Variants in RET observed in about 807,000 individuals in gnomAD.
RET encodes the protein proto-oncogene tyrosine-protein kinase receptor Ret.
RET carries 19 observed loss-of-function variants against 118.3 expected under a neutral mutation model. The ratio of observed to expected loss-of-function variants is 0.16; its 90% CI spans 0.11 to 0.24. The LOEUF is 0.24. Ranked by LOEUF, RET falls within the 10% of genes least tolerant of loss-of-function variation. The pLI is 1.00. For missense variants in RET, 1,219 were observed against 1,502.1 expected (o/e 0.81, Z 3.12); for synonymous variants, 597 against 644.1 (o/e 0.93, Z 1.11).
At chr10:43,127,162 C>T in intron 19 of RET, 2 of 1,108,746 alleles carry the variant, frequency 1.8e-6, no homozygotes, top group East Asian at 9.4e-5. Context: ...AGCCAGGTTC[C>T]CCCAGACCCC....
intron 1 of RET, among the ~76,000 whole-genome samples, chr10:43,096,381 C>G (rs1837523225): frequency 6.6e-6 from 1 of 152,130 alleles, no homozygotes; most frequent in African/African-American, 2.4e-5. Flanking sequence ...AGCTGTTATC[C>G]TAACCCCCGA....
At chr10:43,125,098 G>A in intron 18 of RET, 116 bp downstream of exon 18, 2 of 950,640 alleles carry the variant, frequency 2.1e-6, no homozygotes, top group Non-Finnish European at 3.3e-6. Context: ...CAGTGGGATT[G>A]TGCAGAGAGA....
At position 43,128,969 on chromosome 10, in the gene RET, T is replaced by G; in HGVS notation, c.*700T>G. Reference sequence around the variant, plus strand: ...GAGAGATTCCATGCCATCTTTACTATGTGGATGGTGGTATCAGGGAAGAGG... The same window carrying G: ...GAGAGATTCCATGCCATCTTTACTAGGTGGATGGTGGTATCAGGGAAGAGG... On this transcript the variant is annotated 3_prime_UTR_variant, in exon 20 of 20. Coordinates refer to ENST00000355710, the MANE Select transcript of RET (RefSeq NM_020975.6). 1 of 237,898 alleles carries G rather than the reference T, an allele frequency of 4.2e-6. No individual in the cohort carries two copies. Among genetic ancestry groups the G allele is most frequent in the Non-Finnish European group, 8.3e-6 (1 of 120,698 alleles). The allele number at this position is 237,898 out of a possible 1,614,324, so 14.7% of individuals were successfully genotyped here. A position where few individuals can be genotyped will look rare whatever the true frequency, so the allele number is the denominator to read the frequency against.
rs1198591686 is a variant in RET at position 43,128,205 on chromosome 10, G to A, written c.3281G>A (p.Ser1094Asn). 1 of 1,614,108 alleles carries A rather than the reference G, an allele frequency of 6.2e-7. No individual in the cohort carries two copies. The highest frequency in any genetic ancestry group is 8.5e-7 in the Non-Finnish European group (1 of 1,180,044). ...GGGTTTCCAAGATATCCAAATGATA[G>A]TGTATATGCTAACTGGATGCTTTCA... is the stretch of plus-strand genomic sequence containing the variant. ...NTGFPRYPNDSVYANWMLSPS... is the reference protein window; with the variant it reads ...NTGFPRYPNDNVYANWMLSPS... The change falls in exon 20 of 20, where the codon AGT (serine) becomes AAT (asparagine). Residue 1094 changes from serine (S) to asparagine (N), a missense_variant. Coordinates refer to ENST00000355710, the MANE Select transcript of RET (RefSeq NM_020975.6).
At chr10:43,105,285 C>G (rs979094013) in intron 4 of RET, 92 bp downstream of exon 4, 1 of 1,564,566 alleles carries the variant, frequency 6.4e-7, no homozygotes, top group African/African-American at 1.3e-5. Context: ...AGCCACCCAA[C>G]CGTGTGGCCG....
At chr10:43,110,973 G>A (rs1837902443) in intron 6 of RET, among the ~76,000 whole-genome samples, 1 of 152,104 alleles carries the variant, frequency 6.6e-6, no homozygotes, top group African/African-American at 2.4e-5. Flanking sequence ...CAGCTCCCAG[G>A]AACAGGGGCA....
chr10:43,122,226 C>A (rs1838234650), intron 16 of RET, among the ~76,000 whole-genome samples: 1 of 152,172 alleles, frequency 6.6e-6, no homozygotes, highest in African/African-American at 2.4e-5. Context: ...GGCCGGGCTG[C>A]AGTTCTGAAA....
intron 18 of RET, 28 bp from the exon 19 acceptor site, chr10:43,126,547 G>A (rs1466978192): frequency 6.3e-7 from 1 of 1,597,620 alleles, no homozygotes; most frequent in Non-Finnish European, 8.6e-7. Flanking sequence ...CACATGGCTT[G>A]GAGTGACCGG....
At chr10:43,079,405 G>C (rs1039193561) in intron 1 of RET, among the ~76,000 whole-genome samples, 7 of 152,198 alleles carry the variant, frequency 4.6e-5, no homozygotes, top group African/African-American at 1.7e-4. Flanking sequence ...TCAGCCCCAG[G>C]TATGCTGGAA....
chr10:43,095,302 C>T (rs920365735), intron 1 of RET, among the ~76,000 whole-genome samples: 2 of 152,110 alleles, frequency 1.3e-5, no homozygotes, highest in Non-Finnish European at 2.9e-5. Context: ...CACACCCTGT[C>T]TCGTGGACTG....
intron 1 of RET, among the ~76,000 whole-genome samples, chr10:43,094,486 G>C (rs773880125): frequency 1.3e-5 from 2 of 152,096 alleles, no homozygotes; most frequent in East Asian, 1.9e-4. Context: ...CCCAAATTTC[G>C]GCCCTTGTGC....
intron 1 of RET, among the ~76,000 whole-genome samples, chr10:43,080,248 G>A (rs978198325): frequency 2.6e-5 from 4 of 152,280 alleles, no homozygotes; most frequent in African/African-American, 9.6e-5. Flanking sequence ...GGAAGGGAAG[G>A]CCCGGAAGCT....
rs1301540576 is a variant in RET at position 43,093,359 on chromosome 10, T to TG, written c.74-7096dup. On this transcript the variant is annotated intron_variant, in intron 1 of 19. Transcript: ENST00000355710. The stretch of plus-strand genomic sequence containing the variant: ...GTGAGGGGTGAAAGAGAAAGGGATC[T>TG]GGGGACTGAGGTGTGTGACCTGAGC... Among the ~76,000 whole-genome samples, 12 of 150,492 alleles carry TG rather than the reference T, an allele frequency of 8.0e-5. No individual in the cohort carries two copies. The South Asian group carries it at 8.5e-4, about 11-fold the overall frequency.
Position 43,111,271 on chromosome 10 carries a change from A to T in RET, c.1328A>T (p.His443Leu), listed in dbSNP as rs2132767831. ...GGCATCAACGTCCAGTACAAGCTGC[A>T]TTCCTCTGGTGCCAACTGCAGCACG... ...FSGINVQYKL[H>L]SSGANCSTLG... Residue 443 changes from histidine (H) to leucine (L), a missense_variant, in exon 7 of 20, where the codon CAT (histidine) becomes CTT (leucine). Around this residue, in one of 5 missense-constraint regions of RET, gnomAD observed 850 missense variants for 969.6 expected, o/e 0.88. Coordinates refer to ENST00000355710, the MANE Select transcript of RET (RefSeq NM_020975.6). 1 of 1,614,194 alleles carries T rather than the reference A, an allele frequency of 6.2e-7. No homozygotes were observed. Among genetic ancestry groups the T allele is most frequent in the East Asian group, 2.2e-5 (1 of 44,886 alleles).
At chr10:43,105,414 C>T (rs1371726615) in intron 4 of RET, among the ~76,000 whole-genome samples, 2 of 152,122 alleles carry the variant, frequency 1.3e-5, no homozygotes, top group African/African-American at 4.8e-5. Flanking sequence ...AGGACCAGGA[C>T]GAGGCCCGAG....
chr10:43,093,620 C>T (rs374151997), intron 1 of RET, among the ~76,000 whole-genome samples: 4 of 152,056 alleles, frequency 2.6e-5, no homozygotes, highest in South Asian at 2.1e-4. Flanking sequence ...GGAAACCAGC[C>T]GAGGGGGTGA....
chr10:43,114,660 A>T lies in RET; in HGVS notation c.2060A>T (p.Tyr687Phe), dbSNP rs778793244. The T allele has an allele frequency of 1.9e-6, 3 of 1,611,054 alleles. No individual in the cohort carries two copies. In the African/African-American group the frequency reaches 4.0e-5, roughly 22 times the overall value. ...RRPAQAFPVSYSSSGARRPSL... is the reference protein window; with the variant it reads ...RRPAQAFPVSFSSSGARRPSL... ...CCCGCCCAGGCCTTCCCGGTCAGCTACTCCTCTTCCGGTGCCCGCCGGCCC... is the reference window on the plus strand; with the variant it reads ...CCCGCCCAGGCCTTCCCGGTCAGCTTCTCCTCTTCCGGTGCCCGCCGGCCC... Residue 687 changes from tyrosine (Y) to phenylalanine (F), a missense_variant, in exon 11 of 20, where the codon TAC becomes TTC. Tyr to Phe is a conservative substitution (Grantham distance 22). Transcript: ENST00000355710. The surrounding 1 kb of genome is among the most constrained non-coding windows in gnomAD (Gnocchi z 4.6).
chr10:43,096,740 A>ATT (rs1837530003), intron 1 of RET, among the ~76,000 whole-genome samples: 1 of 152,172 alleles, frequency 6.6e-6, no homozygotes, highest in South Asian at 2.1e-4. Flanking sequence ...TGGCTGCATC[A>ATT]TTTGTGGGCC....
In RET at chr10:43,106,979, GCTGGTGTA is replaced by G. The variant is rs1837795805; in HGVS notation, c.1063+410_1063+417del. Among the ~76,000 whole-genome samples, 1 of 152,202 alleles carries G rather than the reference GCTGGTGTA, an allele frequency of 6.6e-6. No homozygotes were observed. Among genetic ancestry groups the G allele is most frequent in the African/African-American group, 2.4e-5 (1 of 41,448 alleles). On this transcript the variant is annotated intron_variant, in intron 5 of 19. Coordinates refer to ENST00000355710, the MANE Select transcript of RET (RefSeq NM_020975.6). This position sits in a 1 kb window ranked among gnomAD's most constrained non-coding sequence, Gnocchi z 5.1. Reference sequence around the variant, plus strand: ...GCCTCAGCAGCTCTCTGCTAAACAGGCTGGTGTACAGAAGCAGCCCCGAGCCAGGTCAG... The same window carrying G: ...GCCTCAGCAGCTCTCTGCTAAACAGGCAGAAGCAGCCCCGAGCCAGGTCAG...
Sources: allele counts gnomAD v4.1 joint callset (sites outside exome capture counted in the v4.1 genomes callset), GRCh38; gene constraint gnomAD v4.1.1; regional missense constraint gnomAD v4.1.1; non-coding constraint Gnocchi (gnomAD v3.1); transcripts MANE v1.5; gene names NCBI Gene and HGNC (gene_info 2026-07-23, HGNC 2026-07-21).